The following KDR variants were observed in gnomAD, a reference collection of about 807,000 sequenced individuals.
KDR encodes kinase insert domain receptor.
Under a neutral mutation model 160.9 loss-of-function variants are expected in KDR, and 43 were observed. The observed-to-expected ratio is 0.27, with a 90% CI of 0.21 to 0.34. The LOEUF is 0.34. Ranked by LOEUF, KDR falls within the 10% of genes least tolerant of loss-of-function variation. The pLI, the probability that KDR is intolerant of heterozygous loss-of-function variation, is 1.00. For missense variants in KDR, 1,469 were observed against 1,666.4 expected, an observed-to-expected ratio of 0.88 and a Z score of 2.06; for synonymous variants, 617 against 600.1, an observed-to-expected ratio of 1.03 and a Z score of -0.41.
chr4:55,125,076 C>A, intron 1 of KDR, 151 bp downstream of exon 1: 1 of 774,946 alleles, frequency 1.3e-6, no homozygotes, highest in Non-Finnish European at 2.2e-6. Flanking sequence ...AGTCTCTGAG[C>A]CTCAGTTTCC....
chr4:55,081,914 A>G (rs1283278843), intron 29 of KDR, 42 bp downstream of exon 29: 10 of 1,406,648 alleles, frequency 7.1e-6, no homozygotes, highest in Non-Finnish European at 1.0e-5. Context: ...CCTTCCAAAA[A>G]TTCCTATTGA....
chr4:55,110,393 A>C lies in KDR; in HGVS notation c.1255+10T>G. The C allele has an allele frequency of 2.5e-6, 4 of 1,613,668 alleles. No individual in the cohort carries two copies. The highest frequency in any genetic ancestry group is 3.4e-6 in the Non-Finnish European group (4 of 1,179,638). On this transcript the variant is annotated intron_variant, in intron 9 of 29. Transcript: ENST00000263923. ...AATCTTGGGCAGAGAGGAAAATTGA[A>C]TGGACTCACCATACACAACCAGAGA...
chr4:55,121,719 G>A (rs80018124), intron 1 of KDR, among the ~76,000 whole-genome samples: 5,296 of 152,254 alleles, frequency 0.035, 137 homozygotes, highest in Non-Finnish European at 0.057. Flanking sequence ...TAACCAAACT[G>A]CCACAGCTGA....
chr4:55,097,098 G>A (rs936061631), intron 18 of KDR, among the ~76,000 whole-genome samples: 5 of 152,118 alleles, frequency 3.3e-5, no homozygotes, highest in African/African-American at 1.2e-4. Flanking sequence ...CTCCTAAAAT[G>A]AAAATGGCCA....
Position 55,087,775 on chromosome 4 carries a change from A to G in KDR, c.3511-17T>C. ...TTTGCCATCCTGAAACAATAAACAC[A>G]GAAGACTGTTGTTATGGCTTCAGTT... On this transcript the variant is annotated splice_polypyrimidine_tract_variant and intron_variant, in intron 26 of 29. Transcript: ENST00000263923. The G allele has an allele frequency of 6.2e-7, 1 of 1,613,748 alleles. No homozygotes were observed. Among genetic ancestry groups the G allele is most frequent in the Non-Finnish European group, 8.5e-7 (1 of 1,179,752 alleles).
chr4:55,082,729 G>T, intron 27 of KDR, 94 bp from the exon 28 acceptor site: 1 of 882,516 alleles, frequency 1.1e-6, no homozygotes, highest in Non-Finnish European at 1.9e-6. Flanking sequence ...AAACTTAATA[G>T]CAACCTTCAA....
intron 8 of KDR, 27 bp from the exon 9 acceptor site, chr4:55,110,593 G>C (rs2110027727): frequency 6.2e-7 from 1 of 1,612,864 alleles, no homozygotes; most frequent in Non-Finnish European, 8.5e-7. Context: ...TCAGGAATTA[G>C]TATAGTCAAA....
chr4:55,090,120 G>T, intron 22 of KDR, 42 bp from the exon 23 acceptor site: 1 of 1,611,658 alleles, frequency 6.2e-7, no homozygotes, highest in South Asian at 1.1e-5. Flanking sequence ...CGGCACAGCT[G>T]ATCTCTTTCA....
At chr4:55,086,703 C>T (rs1056490849) in intron 27 of KDR, among the ~76,000 whole-genome samples, 10 of 152,168 alleles carry the variant, frequency 6.6e-5, no homozygotes, top group South Asian at 4.1e-4. Context: ...CTGCCCCACA[C>T]GACTCTAGAG....
Position 55,089,776 on chromosome 4 carries a change from G to T in KDR, c.3219C>A (p.Ala1073=), listed in dbSNP as rs1283881899. 1.2e-6 allele frequency: 2 copies of T among 1,614,026 alleles called. No individual in the cohort carries two copies. The highest frequency in any genetic ancestry group is 2.7e-5 in the African/African-American group (2 of 74,992). The change falls in exon 24 of 30, where the codon GCC becomes GCA. Residue 1073 remains alanine, a synonymous_variant. Transcript: ENST00000263923. ...GDARLPLKWM[A]PETIFDRVYT... ...ACACTCTGTCAAAAATTGTTTCTGG[G>T]GCCATCCATTTCAAAGGGAGGCGAG...
In KDR at chr4:55,125,422, G is replaced by C. The variant is rs548127650; in HGVS notation, c.-129C>G. 1.1e-4 allele frequency: 132 copies of C among 1,201,904 alleles called. No individual in the cohort carries two copies. The highest frequency in any genetic ancestry group is 1.5e-4 in the Non-Finnish European group (126 of 849,876). The allele number at this position is 1,201,904 out of a possible 1,614,324, so 74.5% of individuals were successfully genotyped here. Reference sequence around the variant, plus strand: ...GCAGCGCAGGACAGTTGAGCGCACAGGGCTAGGGAGCCCGGGCGCCGACCG... The same window carrying C: ...GCAGCGCAGGACAGTTGAGCGCACACGGCTAGGGAGCCCGGGCGCCGACCG... On this transcript the variant is annotated 5_prime_UTR_variant, in exon 1 of 30. Coordinates refer to ENST00000263923, the MANE Select transcript of KDR (RefSeq NM_002253.4).
At position 55,078,757 on chromosome 4, in the gene KDR, G is replaced by A. The variant is rs1488134336; in HGVS notation, c.*1184C>T. ...AAGGACAGAACAAGGGCAAAAATCA[G>A]TAGAAATAGCTCTATATGTTAAAAG... On this transcript the variant is annotated 3_prime_UTR_variant, in exon 30 of 30. Transcript: ENST00000263923. The A allele has an allele frequency of 1.7e-5, 4 of 232,726 alleles. No individual in the cohort carries two copies. In the South Asian group the frequency reaches 7.2e-4, roughly 42 times the overall value. 14.4% of individuals were successfully genotyped at this position (232,726 alleles called of 1,614,324 possible). A position where few individuals can be genotyped will look rare whatever the true frequency, so the allele number is the denominator to read the frequency against.
At chr4:55,116,201 G>A (rs1720732806) in intron 3 of KDR, among the ~76,000 whole-genome samples, 1 of 152,074 alleles carries the variant, frequency 6.6e-6, no homozygotes, top group Non-Finnish European at 1.5e-5. Flanking sequence ...TGGATCACTT[G>A]AGGTCAGGAG....
In KDR at chr4:55,078,718, T is replaced by C. The variant is rs1719644388; in HGVS notation, c.*1223A>G. On this transcript the variant is annotated 3_prime_UTR_variant, in exon 30 of 30. Coordinates refer to ENST00000263923, the MANE Select transcript of KDR (RefSeq NM_002253.4). ...ATGGTACCAAACAAAAAACACATTT[T>C]CTTTTTTGAAAAAAAGGACAGAACA... 4.3e-6 allele frequency: 1 copy of C among 232,690 alleles called. No individual in the cohort carries two copies. Among genetic ancestry groups the C allele is most frequent in the Non-Finnish European group, 8.5e-6 (1 of 117,800 alleles). 14.4% of individuals were successfully genotyped at this position (232,690 alleles called of 1,614,324 possible). A position where few individuals can be genotyped will look rare whatever the true frequency, so the allele number is the denominator to read the frequency against.
At chr4:55,082,973 G>A (rs758121555) in intron 27 of KDR, among the ~76,000 whole-genome samples, 1 of 152,098 alleles carries the variant, frequency 6.6e-6, no homozygotes, top group African/African-American at 2.4e-5. Flanking sequence ...TTCCTCCATC[G>A]AGCTCTGGAT....
chr4:55,112,125 T>A lies in KDR; in HGVS notation c.976+1179A>T, dbSNP rs1264179204. 2.6e-5 allele frequency among the ~76,000 whole-genome samples: 4 copies of A among 152,180 alleles called. No homozygotes were observed. The East Asian group carries it at 5.8e-4, about 22-fold the overall frequency. On this transcript the variant is annotated intron_variant, in intron 7 of 29. Transcript: ENST00000263923. Reference sequence around the variant, plus strand: ...TTAAGGTGATTTTCTCAAGGCCAGTTCAATTTAATTCCAGTTCAATTACAG... The same window carrying A: ...TTAAGGTGATTTTCTCAAGGCCAGTACAATTTAATTCCAGTTCAATTACAG...
At chr4:55,097,141 T>A (rs1720178349) in intron 18 of KDR, among the ~76,000 whole-genome samples, 1 of 152,194 alleles carries the variant, frequency 6.6e-6, no homozygotes, top group East Asian at 1.9e-4. Context: ...GAATTAACAA[T>A]TATTTATAAA....
intron 5 of KDR, 144 bp downstream of exon 5, chr4:55,114,730 G>T: frequency 2.8e-6 from 2 of 725,434 alleles, no homozygotes; most frequent in Non-Finnish European, 4.8e-6. Flanking sequence ...GGGTTTATTT[G>T]GTAGAGAAGA....
chr4:55,100,615 A>G (rs568806578), intron 15 of KDR, among the ~76,000 whole-genome samples: 2 of 152,330 alleles, frequency 1.3e-5, no homozygotes, highest in Admixed American at 1.3e-4. Flanking sequence ...AACATGAATC[A>G]CTTTGGAAAT....
Sources: allele counts gnomAD v4.1 joint callset (sites outside exome capture counted in the v4.1 genomes callset), GRCh38; gene constraint gnomAD v4.1.1; transcripts MANE v1.5; gene names NCBI Gene and HGNC (gene_info 2026-07-23, HGNC 2026-07-21).